The following DENND6A variants were observed in gnomAD, a reference collection of about 807,000 sequenced individuals.
The protein encoded by DENND6A is DENN domain containing 6A.
Under a neutral mutation model 95.5 loss-of-function variants are expected in DENND6A, and 43 were observed. That is an observed-to-expected ratio of 0.45 (90% confidence interval 0.35 to 0.58). The LOEUF (loss-of-function observed/expected upper bound fraction) is 0.58. Among genes scored for constraint, DENND6A ranks in the 20% least tolerant of loss-of-function variants. The probability of loss-of-function intolerance (pLI) is 0.00; values close to 1 mark genes in which losing one functional copy is unlikely to be tolerated. For missense variants in DENND6A, 574 were observed against 736.0 expected, an observed-to-expected ratio of 0.78 and a Z score of 2.55; for synonymous variants, 257 against 260.4, an observed-to-expected ratio of 0.99 and a Z score of 0.13.
chr3:57,647,711 C>T (rs761060237), intron 9 of DENND6A, among the ~76,000 whole-genome samples: 2 of 152,032 alleles, frequency 1.3e-5, no homozygotes, highest in African/African-American at 4.8e-5. Flanking sequence ...AGGGTAAGCA[C>T]ACAAGCAGGG....
intron 14 of DENND6A, 115 bp downstream of exon 14, chr3:57,634,434 CAAAAAAAAA>C (rs60799417): frequency 3.7e-6 from 1 of 269,798 alleles, no homozygotes; most frequent in African/African-American, 3.0e-5. Context: ...CTCTGTCTCC[CAAAAAAAAA>C]AAAAAAAAGG....
At chr3:57,631,062 T>C (rs1322842866) in intron 15 of DENND6A, 84 bp from the exon 16 acceptor site, 2 of 1,286,948 alleles carry the variant, frequency 1.6e-6, no homozygotes, top group Non-Finnish European at 2.2e-6. Flanking sequence ...GTCTTTTAAG[T>C]TTTTAATCAT....
At position 57,666,120 on chromosome 3, in the gene DENND6A, A is replaced by G. The variant is rs2071521299; in HGVS notation, c.432+3T>C. The G allele has an allele frequency of 1.2e-6, 2 of 1,612,346 alleles. No individual in the cohort carries two copies. Among genetic ancestry groups the G allele is most frequent in the Non-Finnish European group, 1.7e-6 (2 of 1,179,072 alleles). ...GACATTTTCCTATGACTACTTTTCC[A>G]ACCTTTAAGTAAACTGGTAAATCTT... On this transcript the variant is annotated splice_donor_region_variant and intron_variant, in intron 4 of 19. Transcript: ENST00000311128.
At chr3:57,645,323 T>A (rs955328924) in intron 11 of DENND6A, among the ~76,000 whole-genome samples, 25 of 151,802 alleles carry the variant, frequency 1.6e-4, no homozygotes, top group African/African-American at 5.8e-4. Flanking sequence ...TAGCCGGGCG[T>A]GGTGGCGCAT....
chr3:57,632,253 T>C (rs1197573142), intron 15 of DENND6A, among the ~76,000 whole-genome samples: 2 of 151,662 alleles, frequency 1.3e-5, no homozygotes, highest in African/African-American at 4.8e-5. Flanking sequence ...CTCGATCTCC[T>C]GACCTCGTGA....
At chr3:57,677,530 G>A (rs2071732254) in intron 1 of DENND6A, among the ~76,000 whole-genome samples, 1 of 148,096 alleles carries the variant, frequency 6.8e-6, no homozygotes, top group South Asian at 2.2e-4. Context: ...CGACTTCCAG[G>A]GCTCAAGCAA....
chr3:57,641,785 G>C, intron 11 of DENND6A, 38 bp from the exon 12 acceptor site: 1 of 1,520,534 alleles, frequency 6.6e-7, no homozygotes, highest in Non-Finnish European at 9.0e-7. Flanking sequence ...AAAAAGGTGA[G>C]AAAAAGATGA....
At chr3:57,657,593 TC>T in intron 9 of DENND6A, 86 bp downstream of exon 9, 1 of 853,964 alleles carries the variant, frequency 1.2e-6, no homozygotes, top group Non-Finnish European at 1.8e-6. Context: ...TTTTTCCACA[TC>T]CTATATAATA....
chr3:57,629,995 T>C (rs2070630827), intron 18 of DENND6A, among the ~76,000 whole-genome samples: 1 of 152,168 alleles, frequency 6.6e-6, no homozygotes, highest in Admixed American at 6.6e-5. Flanking sequence ...CATTTGCCAA[T>C]TTCTGTGGTG....
intron 1 of DENND6A, among the ~76,000 whole-genome samples, chr3:57,682,527 T>G: frequency 6.6e-6 from 1 of 152,162 alleles, no homozygotes; most frequent in East Asian, 1.9e-4. Flanking sequence ...TGCCTCTTTT[T>G]GTAATTTTTC....
intron 1 of DENND6A, among the ~76,000 whole-genome samples, chr3:57,677,537 G>A (rs2071732300): frequency 7.0e-6 from 1 of 142,800 alleles, no homozygotes; most frequent in South Asian, 2.4e-4. Flanking sequence ...CAGGGCTCAA[G>A]CAATCCTCTC....
In DENND6A at chr3:57,629,471, G is replaced by A. The variant is rs1016556064; in HGVS notation, c.1621-586C>T. On this transcript the variant is annotated intron_variant, in intron 18 of 19. Transcript: ENST00000311128. ...TCACAAGTAGTTTAATTTAAAATAG[G>A]CTGGTAATACAGAACATAAAAAAAA... Among the ~76,000 whole-genome samples the A allele has an allele frequency of 5.3e-5, 8 of 150,566 alleles. No individual in the cohort carries two copies. In the East Asian group the frequency reaches 1.2e-3, roughly 22 times the overall value.
intron 12 of DENND6A, among the ~76,000 whole-genome samples, chr3:57,641,323 T>C (rs1199957780): frequency 6.9e-6 from 1 of 144,612 alleles, no homozygotes; most frequent in African/African-American, 2.5e-5. Flanking sequence ...ATATTCAATA[T>C]ATTATATTAA....
intron 4 of DENND6A, among the ~76,000 whole-genome samples, chr3:57,665,342 C>A (rs1451117338): frequency 1.3e-5 from 2 of 152,112 alleles, no homozygotes; most frequent in African/African-American, 2.4e-5. Context: ...GGGTAAGTTT[C>A]TTATGCTCAA....
Position 57,668,161 on chromosome 3 carries a change from G to C in DENND6A, c.320-1926C>G, listed in dbSNP as rs1426427665. 3.3e-5 allele frequency among the ~76,000 whole-genome samples: 5 copies of C among 150,476 alleles called. No homozygotes were observed. The South Asian group carries it at 6.4e-4, about 19-fold the overall frequency. On this transcript the variant is annotated intron_variant, in intron 3 of 19. Transcript: ENST00000311128. ...AATTAAATTGTTTTTCAAAAATATTGGTCCATAACTGACTGGAAATATTAA... is the reference window on the plus strand; with the variant it reads ...AATTAAATTGTTTTTCAAAAATATTCGTCCATAACTGACTGGAAATATTAA...
rs532565990 is a variant in DENND6A, at chr3:57,645,507, TACTA to T, written c.1037+150_1037+153del. 7.9e-4 allele frequency among the ~76,000 whole-genome samples: 120 copies of T among 152,180 alleles called. 1 individual carries two copies. The highest frequency in any genetic ancestry group is 2.4e-3 in the African/African-American group (100 of 41,536). ...AATACATAAAATCGCTCAAATAAGG[TACTA>T]ACTCTTAAAATCTAAAATTATTTCC... On this transcript the variant is annotated intron_variant, in intron 11 of 19. Coordinates refer to ENST00000311128, the MANE Select transcript of DENND6A (RefSeq NM_152678.3).
At chr3:57,664,664 C>T (rs1022843805) in intron 4 of DENND6A, among the ~76,000 whole-genome samples, 1 of 152,066 alleles carries the variant, frequency 6.6e-6, no homozygotes, top group Admixed American at 6.6e-5. Flanking sequence ...GAATCCCTGT[C>T]TCTACTAAAA....
chr3:57,669,238 A>T (rs746439471), intron 3 of DENND6A, among the ~76,000 whole-genome samples: 4 of 152,160 alleles, frequency 2.6e-5, no homozygotes, highest in Admixed American at 2.0e-4. Context: ...TGAAAATAGC[A>T]ATTTCAAATA....
intron 1 of DENND6A, among the ~76,000 whole-genome samples, chr3:57,690,234 G>T (rs969234322): frequency 6.6e-6 from 1 of 152,018 alleles, no homozygotes; most frequent in Non-Finnish European, 1.5e-5. Flanking sequence ...GGCCAGGCGC[G>T]GTGGCTCATG....
Sources: allele counts gnomAD v4.1 joint callset (sites outside exome capture counted in the v4.1 genomes callset), GRCh38; gene constraint gnomAD v4.1.1; transcripts MANE v1.5; gene names NCBI Gene and HGNC (gene_info 2026-07-23, HGNC 2026-07-21).